Variants in C16orf92 observed in about 807,000 individuals in gnomAD.
The protein encoded by C16orf92 is fertilization-influencing membrane protein 1.
A neutral mutation model predicts 13.7 loss-of-function variants in C16orf92; 14 were observed. The observed-to-expected ratio is 1.02, with a 90% CI of 0.67 to 1.60. The LOEUF (loss-of-function observed/expected upper bound fraction) is 1.60. C16orf92 is among the 40% of genes most tolerant of loss of function. The probability of loss-of-function intolerance (pLI) is 0.00; values close to 1 mark genes in which losing one functional copy is unlikely to be tolerated. For synonymous variants in C16orf92, 50 were observed against 57.4 expected, an observed-to-expected ratio of 0.87 and a Z score of 0.58; for missense variants, 116 against 139.0, an observed-to-expected ratio of 0.83 and a Z score of 0.83.
Position 30,024,260 on chromosome 16 carries a change from G to C in C16orf92, c.*33G>C. On this transcript the variant is annotated 3_prime_UTR_variant, in exon 4 of 4. Transcript: ENST00000681219. ...GACAAGGGCTCTGGACTCAACCTGA[G>C]CACCCACACCCACCTCCTCTCCTGT... 6.2e-7 allele frequency: 1 copy of C among 1,609,848 alleles called. No individual in the cohort carries two copies.
chr16:30,025,547 C>T (rs770463749), downstream of C16orf92: 33 of 1,572,112 alleles, frequency 2.1e-5, no homozygotes, highest in Non-Finnish European at 2.8e-5. This position sits in a 1 kb window ranked among gnomAD's most constrained non-coding sequence, Gnocchi z 4.1. Flanking sequence ...CCCTGCGACC[C>T]TAGCAGGCAG....
downstream of C16orf92, chr16:30,026,543 G>A: frequency 7.0e-7 from 1 of 1,429,748 alleles, no homozygotes; most frequent in Non-Finnish European, 9.7e-7. Flanking sequence ...CCAGGCTCCT[G>A]CCAGCACCAG....
At chr16:30,026,672 G>C, downstream of C16orf92, 1 of 1,613,936 alleles carries the variant, frequency 6.2e-7, no homozygotes, top group Admixed American at 1.7e-5. Flanking sequence ...GGAACTCCTT[G>C]TGCAGGTAGC....
At chr16:30,026,570 G>A (rs1195792159), downstream of C16orf92, 3 of 1,571,750 alleles carry the variant, frequency 1.9e-6, no homozygotes, top group South Asian at 1.1e-5. Context: ...CAAGGAGCAG[G>A]CCACCCGCAC....
chr16:30,026,536 G>A (rs2071144957), downstream of C16orf92: 1 of 1,356,140 alleles, frequency 7.4e-7, no homozygotes, highest in East Asian at 2.4e-5. Context: ...GGGCTTCCCA[G>A]GCTCCTGCCA....
chr16:30,025,521 G>T (rs1249090539), downstream of C16orf92: 2 of 1,601,078 alleles, frequency 1.2e-6, no homozygotes, highest in Non-Finnish European at 1.7e-6. The surrounding 1 kb of genome is among the most constrained non-coding windows in gnomAD (Gnocchi z 4.1). Flanking sequence ...GGCCCCCCTT[G>T]GCCCTCTCCC....
In C16orf92 at chr16:30,024,358, T is replaced by C. The variant is rs1217026482; in HGVS notation, c.*131T>C. On this transcript the variant is annotated 3_prime_UTR_variant, in exon 4 of 4. Coordinates refer to ENST00000681219, the MANE Select transcript of C16orf92 (RefSeq NM_001109659.2). ...GCAGCTGGGGATCCTGTCCCCTCTG[T>C]TTCCCATGGCCCAAGCCCCCCACCT... is the stretch of plus-strand genomic sequence containing the variant. 2.3e-6 allele frequency: 3 copies of C among 1,283,664 alleles called. No individual in the cohort carries two copies. The highest frequency in any genetic ancestry group is 2.5e-5 in the Admixed American group (1 of 40,682). The allele number at this position is 1,283,664 out of a possible 1,614,324, so 79.5% of individuals were successfully genotyped here.
downstream of C16orf92, chr16:30,024,983 G>C (rs1232093592): frequency 2.0e-6 from 1 of 510,064 alleles, no homozygotes; most frequent in Non-Finnish European, 3.4e-6. Context: ...TGTGCAGGAA[G>C]GGGGCAGAGT....
At chr16:30,024,917 C>T (rs2071034946), downstream of C16orf92, 2 of 414,544 alleles carry the variant, frequency 4.8e-6, no homozygotes, top group Non-Finnish European at 4.2e-6. Flanking sequence ...CCCCACAAGC[C>T]CTCCTGCCCT....
At position 30,023,722 on chromosome 16, in the gene C16orf92, C is replaced by T; in HGVS notation, c.65-5C>T. 1 of 1,614,096 alleles carries T rather than the reference C, an allele frequency of 6.2e-7. No individual in the cohort carries two copies. The highest frequency in any genetic ancestry group is 8.5e-7 in the Non-Finnish European group (1 of 1,180,012). On this transcript the variant is annotated splice_region_variant and splice_polypyrimidine_tract_variant and intron_variant, in intron 1 of 3. Transcript: ENST00000681219. Reference sequence around the variant, plus strand: ...CTGTTGTCACAGAGTTTGCTTGGGTCCTAGCACCCAGACCCAAGCGTGCCA... The same window carrying T: ...CTGTTGTCACAGAGTTTGCTTGGGTTCTAGCACCCAGACCCAAGCGTGCCA...
At chr16:30,023,473 A>C (rs1314794949) in intron 1 of C16orf92, 69 bp downstream of exon 1, 2 of 1,511,068 alleles carry the variant, frequency 1.3e-6, no homozygotes, top group Non-Finnish European at 1.8e-6. Flanking sequence ...ATGCCCACTT[A>C]GGGACTCGGA....
chr16:30,025,221 G>A (rs985042681), downstream of C16orf92: 28 of 1,506,816 alleles, frequency 1.9e-5, no homozygotes, highest in Admixed American at 3.3e-4. The surrounding 1 kb of genome is among the most constrained non-coding windows in gnomAD (Gnocchi z 4.1). Context: ...GGCCGGGAGC[G>A]GGGCCAGAAG....
At chr16:30,025,910 T>G (rs1368346260), downstream of C16orf92, 1 of 1,013,366 alleles carries the variant, frequency 9.9e-7, no homozygotes, top group African/African-American at 1.6e-5. The surrounding 1 kb of genome is among the most constrained non-coding windows in gnomAD (Gnocchi z 4.1). Flanking sequence ...TCTGTCACTT[T>G]GGGAGATGCT....
downstream of C16orf92, chr16:30,026,621 G>GA (rs749934490): frequency 6.2e-7 from 1 of 1,613,508 alleles, no homozygotes; most frequent in Non-Finnish European, 8.5e-7. Flanking sequence ...CTGAGAGTGG[G>GA]AAGCACACCA....
chr16:30,024,079 A>G lies in C16orf92; in HGVS notation c.304A>G (p.Thr102Ala), dbSNP rs1328968327. The change falls in exon 3 of 4, where the codon ACC becomes GCC. Residue 102 changes from threonine to alanine, a missense_variant. Transcript: ENST00000681219. ...CTTCTTTCTCCTTTTCCAGTTCTGCACCCACATGTAAGGCCTGCCCCCTTT... is the reference window on the plus strand; with the variant it reads ...CTTCTTTCTCCTTTTCCAGTTCTGCGCCCACATGTAAGGCCTGCCCCCTTT... ...AFFFLLFQFC[T>A]HINFQKGA is the part of the protein sequence containing the mutation. The G allele has an allele frequency of 1.9e-6, 3 of 1,612,854 alleles. No individual in the cohort carries two copies. The African/African-American group carries it at 4.0e-5, about 22-fold the overall frequency.
At chr16:30,023,926 G>T in intron 2 of C16orf92, 41 bp downstream of exon 2, 7 of 1,594,646 alleles carry the variant, frequency 4.4e-6, no homozygotes, top group Admixed American at 3.3e-5. Context: ...CCCCGCCAGG[G>T]TCTGGAGGAG....
At chr16:30,025,438 C>T, downstream of C16orf92, 1 of 1,612,744 alleles carries the variant, frequency 6.2e-7, no homozygotes. This position sits in a 1 kb window ranked among gnomAD's most constrained non-coding sequence, Gnocchi z 4.1. Context: ...CCCCGTTCAC[C>T]TTGTGCAGCA....
downstream of C16orf92, chr16:30,025,045 C>T (rs2071040717): frequency 3.3e-6 from 2 of 599,270 alleles, no homozygotes; most frequent in Non-Finnish European, 5.6e-6. The surrounding 1 kb of genome is among the most constrained non-coding windows in gnomAD (Gnocchi z 4.1). Context: ...GAGATGGGGC[C>T]TCTTCCCTTT....
downstream of C16orf92, chr16:30,025,903 G>A (rs1006320799): frequency 1.8e-6 from 2 of 1,086,374 alleles, no homozygotes; most frequent in African/African-American, 1.5e-5. The surrounding 1 kb of genome is among the most constrained non-coding windows in gnomAD (Gnocchi z 4.1). Flanking sequence ...TTTCCCCTCT[G>A]TCACTTTGGG....
Sources: gnomAD v4.1 joint callset for allele counts on GRCh38, gnomAD v4.1.1 for gene constraint, Gnocchi (gnomAD v3.1) non-coding constraint, MANE v1.5 for transcripts, NCBI Gene and HGNC (gene_info 2026-07-23, HGNC 2026-07-21) for gene names.